ADGRG6: variants seen among roughly 807,000 people sequenced by gnomAD.
ADGRG6 encodes the protein adhesion G protein-coupled receptor G6, also known as G-protein coupled receptor 126.
In ADGRG6, 84 loss-of-function variants were observed where a neutral mutation model predicts 142.4. That is an observed-to-expected ratio of 0.59 (90% CI 0.49 to 0.71). The LOEUF is 0.71. ADGRG6 is among the 30% of genes least tolerant of loss of function. The pLI is 0.00. For synonymous variants in ADGRG6, 521 were observed against 520.5 expected (o/e 1.00, Z -0.01); for missense variants, 1,367 against 1,466.6 (o/e 0.93, Z 1.11).
At chr6:142,331,730 G>A (rs549548822) in intron 2 of ADGRG6, among the ~76,000 whole-genome samples, 4 of 151,824 alleles carry the variant, frequency 2.6e-5, no homozygotes, top group African/African-American at 4.8e-5. Flanking sequence ...TTTTGTAAAC[G>A]CTCTTTTTTT....
chr6:142,309,743 GC>G (rs1582954801), intron 2 of ADGRG6, 99 bp downstream of exon 2: 2 of 695,640 alleles, frequency 2.9e-6, no homozygotes, highest in Non-Finnish European at 4.3e-6. Flanking sequence ...TTTACTTACT[GC>G]CTTTTTTTTT....
chr6:142,372,201 T>C (rs925879503), intron 4 of ADGRG6, among the ~76,000 whole-genome samples: 3 of 152,224 alleles, frequency 2.0e-5, no homozygotes, highest in African/African-American at 7.2e-5. Context: ...TATTTTATTA[T>C]AGGACTGATT....
chr6:142,339,272 C>T (rs1003274900), intron 2 of ADGRG6, among the ~76,000 whole-genome samples: 2 of 152,198 alleles, frequency 1.3e-5, no homozygotes, highest in African/African-American at 2.4e-5. Context: ...AGAATCCCTT[C>T]TCTACTGTCA....
chr6:142,304,191 A>G (rs924472879), intron 1 of ADGRG6, among the ~76,000 whole-genome samples: 4 of 152,200 alleles, frequency 2.6e-5, no homozygotes, highest in Non-Finnish European at 4.4e-5. Flanking sequence ...AATGGGTAAC[A>G]TAAGCTATAT....
intron 21 of ADGRG6, among the ~76,000 whole-genome samples, chr6:142,418,448 A>T (rs1025596791): frequency 1.3e-5 from 2 of 152,154 alleles, no homozygotes; most frequent in Non-Finnish European, 1.5e-5. Context: ...CTAGGTGAGG[A>T]ATTCCAGAAT....
At chr6:142,432,735 T>C (rs1309257271) in intron 22 of ADGRG6, among the ~76,000 whole-genome samples, 1 of 152,228 alleles carries the variant, frequency 6.6e-6, no homozygotes, top group African/African-American at 2.4e-5. Context: ...CCTCTCTGGC[T>C]GTGCTTAGCA....
chr6:142,309,744 C>T lies in ADGRG6; in HGVS notation c.103+100C>T, dbSNP rs1334766729. The T allele has an allele frequency of 4.4e-6, 3 of 689,322 alleles. No homozygotes were observed. In the South Asian group the frequency reaches 8.3e-5, roughly 19 times the overall value. 42.7% of individuals were successfully genotyped at this position (689,322 alleles called of 1,614,324 possible). ...TATGTTGCCTTACTTTTACTTACTG[C>T]CTTTTTTTTTTTTCCTGTTTCTATC... is the stretch of plus-strand genomic sequence containing the variant. On this transcript the variant is annotated intron_variant, in intron 2 of 24. Transcript: ENST00000367609.
At chr6:142,319,034 T>A (rs1778390759) in intron 2 of ADGRG6, among the ~76,000 whole-genome samples, 1 of 152,144 alleles carries the variant, frequency 6.6e-6, no homozygotes, top group African/African-American at 2.4e-5. Flanking sequence ...CCTAGGGTGG[T>A]AGGGCACTCA....
intron 16 of ADGRG6, among the ~76,000 whole-genome samples, chr6:142,409,054 A>G (rs1214381534): frequency 1.3e-5 from 2 of 152,148 alleles, no homozygotes; most frequent in African/African-American, 4.8e-5. Context: ...GTATCATCTT[A>G]ATCATTTTTA....
chr6:142,424,634 T>C (rs1214782683), intron 22 of ADGRG6, among the ~76,000 whole-genome samples: 1 of 151,354 alleles, frequency 6.6e-6, no homozygotes, highest in African/African-American at 2.4e-5. Context: ...AAAATTCTCT[T>C]TTTTGGTTGT....
intron 24 of ADGRG6, among the ~76,000 whole-genome samples, chr6:142,439,035 C>T (rs1055661025): frequency 6.6e-6 from 1 of 152,116 alleles, no homozygotes; most frequent in Non-Finnish European, 1.5e-5. Context: ...CCTGGAGTCC[C>T]AGCTGCTCTG....
intron 24 of ADGRG6, among the ~76,000 whole-genome samples, chr6:142,439,948 T>C (rs2115207603): frequency 6.6e-6 from 1 of 152,360 alleles, no homozygotes; most frequent in African/African-American, 2.4e-5. Context: ...ACTTAAAATT[T>C]GATACTCATT....
At chr6:142,432,787 G>A (rs762771564) in intron 22 of ADGRG6, among the ~76,000 whole-genome samples, 13 of 152,120 alleles carry the variant, frequency 8.5e-5, no homozygotes, top group Non-Finnish European at 1.5e-4. Context: ...CCCCAACAAG[G>A]CTAAGAAACT....
intron 6 of ADGRG6, among the ~76,000 whole-genome samples, chr6:142,387,724 G>A (rs974252100): frequency 6.8e-6 from 1 of 147,226 alleles, no homozygotes; most frequent in African/African-American, 2.7e-5. Context: ...AAAAGTGTAA[G>A]AAGATAAAAA....
intron 6 of ADGRG6, among the ~76,000 whole-genome samples, chr6:142,389,184 C>G (rs1774740891): frequency 6.6e-6 from 1 of 151,956 alleles, no homozygotes. Context: ...ACTGGAAAGA[C>G]ATTCCTTTGG....
At chr6:142,393,170 G>A (rs1774989924) in intron 8 of ADGRG6, among the ~76,000 whole-genome samples, 170 bp downstream of exon 8, 1 of 151,974 alleles carries the variant, frequency 6.6e-6, no homozygotes, top group Non-Finnish European at 1.5e-5. Context: ...AAACCTCCAT[G>A]CTGCAGCGAT....
chr6:142,318,339 T>TTATATATTTATATATTATATAATATTTA (rs1417497523), intron 2 of ADGRG6, among the ~76,000 whole-genome samples: 1 of 92,452 alleles, frequency 1.1e-5, no homozygotes, highest in Admixed American at 1.8e-4. Context: ...TATATTTATA[T>TTATATATTTATATATTATATAATATTTA]TATATATTTA....
chr6:142,389,435 A>G (rs1397941701), intron 6 of ADGRG6, among the ~76,000 whole-genome samples: 2 of 151,908 alleles, frequency 1.3e-5, no homozygotes, highest in Non-Finnish European at 2.9e-5. Flanking sequence ...CCATAATTTA[A>G]AAGGGTATTT....
intron 10 of ADGRG6, among the ~76,000 whole-genome samples, chr6:142,400,240 G>GT (rs771958846): frequency 6.6e-6 from 1 of 151,746 alleles, no homozygotes; most frequent in East Asian, 1.9e-4. Context: ...ACATAACTGT[G>GT]TTTTTTACTT....
Sources: allele counts gnomAD v4.1 joint callset (sites outside exome capture counted in the v4.1 genomes callset), GRCh38; gene constraint gnomAD v4.1.1; transcripts MANE v1.5; gene names NCBI Gene and HGNC (gene_info 2026-07-23, HGNC 2026-07-21).